The following GABRA2 variants were observed in gnomAD, a reference collection of about 807,000 sequenced individuals.
The protein encoded by GABRA2 is gamma-aminobutyric acid receptor subunit alpha-2.
In GABRA2, 16 loss-of-function variants were observed where a neutral mutation model predicts 48.7. The observed-to-expected ratio is 0.33, with a 90% CI of 0.22 to 0.50. GABRA2 has a LOEUF of 0.50. GABRA2 is among the 20% of genes least tolerant of loss of function. GABRA2 has a pLI of 0.98. For synonymous variants in GABRA2, 185 were observed against 184.5 expected (o/e 1.00, Z -0.02); for missense variants, 275 against 535.6 (o/e 0.51, Z 4.80).
chr4:46,381,578 CA>C, intron 3 of GABRA2, among the ~76,000 whole-genome samples: 1 of 152,260 alleles, frequency 6.6e-6, no homozygotes, highest in African/African-American at 2.4e-5. Context: ...CTATACCTAA[CA>C]ATACTAATTC....
intron 3 of GABRA2, 51 bp downstream of exon 3, chr4:46,386,023 T>G (rs1253250285): frequency 1.8e-6 from 2 of 1,100,762 alleles, no homozygotes. Flanking sequence ...TACCCTTAAC[T>G]TTTAAAGGCA....
chr4:46,291,300 C>A (rs1388219819), intron 8 of GABRA2, among the ~76,000 whole-genome samples: 5 of 152,068 alleles, frequency 3.3e-5, no homozygotes, highest in Non-Finnish European at 4.4e-5. Context: ...ACTTTTTAGT[C>A]AGGATTGTTA....
At chr4:46,372,750 G>A (rs1038041387) in intron 3 of GABRA2, among the ~76,000 whole-genome samples, 2 of 151,982 alleles carry the variant, frequency 1.3e-5, no homozygotes, top group East Asian at 1.9e-4. Context: ...TTAAACTCAC[G>A]GTATAAAAAG....
chr4:46,328,521 T>C (rs1397609662), intron 4 of GABRA2, among the ~76,000 whole-genome samples: 1 of 152,094 alleles, frequency 6.6e-6, no homozygotes, highest in Non-Finnish European at 1.5e-5. Flanking sequence ...TTTATTTTTT[T>C]TCTTATTAAC....
intron 3 of GABRA2, 32 bp downstream of exon 3, chr4:46,386,042 C>G: frequency 7.5e-7 from 1 of 1,328,242 alleles, no homozygotes; most frequent in Non-Finnish European, 1.1e-6. Flanking sequence ...CATTATTTTA[C>G]GAGAGTTTTA....
intron 8 of GABRA2, among the ~76,000 whole-genome samples, chr4:46,302,817 T>C (rs113506498): frequency 3.9e-5 from 6 of 152,354 alleles, no homozygotes; most frequent in African/African-American, 1.4e-4. Context: ...GCACTTCTCC[T>C]GCTTTGCTCA....
intron 8 of GABRA2, among the ~76,000 whole-genome samples, chr4:46,302,145 G>A (rs1390419490): frequency 2.6e-5 from 4 of 151,080 alleles, no homozygotes; most frequent in Non-Finnish European, 4.4e-5. Flanking sequence ...CATAGCTCAC[G>A]ATAGCCTCAA....
At chr4:46,325,053 A>G (rs1212792054) in intron 4 of GABRA2, among the ~76,000 whole-genome samples, 1 of 151,924 alleles carries the variant, frequency 6.6e-6, no homozygotes, top group African/African-American at 2.4e-5. Context: ...TCTTTTTGGT[A>G]GAACAATCTA....
chr4:46,296,714 C>T (rs1485500096), intron 8 of GABRA2, among the ~76,000 whole-genome samples: 2 of 139,086 alleles, frequency 1.4e-5, no homozygotes, highest in Admixed American at 7.5e-5. Flanking sequence ...AAAGGAAATA[C>T]AGGATGGGTA....
chr4:46,274,500 T>A (rs1340351482), intron 8 of GABRA2, among the ~76,000 whole-genome samples: 1 of 152,120 alleles, frequency 6.6e-6, no homozygotes, highest in African/African-American at 2.4e-5. Flanking sequence ...GAGAAGTGGC[T>A]ATACATAGAG....
At chr4:46,330,591 T>TAGAGAGAGAGAGAGAGAGAGAG (rs1553916278) in intron 4 of GABRA2, among the ~76,000 whole-genome samples, 2 of 122,694 alleles carry the variant, frequency 1.6e-5, no homozygotes, top group East Asian at 3.1e-4. Flanking sequence ...TATATATATA[T>TAGAGAGAGAGAGAGAGAGAGAG]AGAGAGAGAG....
chr4:46,330,980 A>G (rs1189092414), intron 4 of GABRA2, among the ~76,000 whole-genome samples: 3 of 152,066 alleles, frequency 2.0e-5, no homozygotes, highest in Non-Finnish European at 4.4e-5. Flanking sequence ...CCAAACAATA[A>G]CATTTGGAAT....
intron 3 of GABRA2, among the ~76,000 whole-genome samples, chr4:46,363,234 A>G (rs879189165): frequency 6.6e-6 from 1 of 152,210 alleles, no homozygotes; most frequent in African/African-American, 2.4e-5. Flanking sequence ...ATAGGCCAGA[A>G]AAGAAATAAA....
intron 9 of GABRA2, among the ~76,000 whole-genome samples, chr4:46,250,988 T>C (rs1468994760): frequency 2.6e-5 from 4 of 151,580 alleles, no homozygotes; most frequent in Non-Finnish European, 5.9e-5. Flanking sequence ...AATGATAATC[T>C]ACAATGAATG....
chr4:46,354,698 T>C (rs1735689071), intron 3 of GABRA2, among the ~76,000 whole-genome samples: 1 of 152,162 alleles, frequency 6.6e-6, no homozygotes, highest in African/African-American at 2.4e-5. Flanking sequence ...GCGGCTTGTT[T>C]GGAATCAGCT....
intron 3 of GABRA2, among the ~76,000 whole-genome samples, chr4:46,373,704 C>T (rs1297496500): frequency 1.3e-5 from 2 of 152,130 alleles, no homozygotes; most frequent in African/African-American, 4.8e-5. Context: ...AGTGACTCTA[C>T]ATTAACTCCC....
At chr4:46,389,713 G>C in intron 1 of GABRA2, 22 bp downstream of exon 1, 1 of 983,110 alleles carries the variant, frequency 1.0e-6, no homozygotes, top group Non-Finnish European at 1.2e-6. Flanking sequence ...GTCTCTATCG[G>C]GACCAACGTG....
At chr4:46,361,289 T>C (rs1335047001) in intron 3 of GABRA2, among the ~76,000 whole-genome samples, 1 of 152,164 alleles carries the variant, frequency 6.6e-6, no homozygotes, top group African/African-American at 2.4e-5. Context: ...CCCTGCTGTG[T>C]GCAGTATAGG....
chr4:46,359,576 T>C (rs1468435063), intron 3 of GABRA2, among the ~76,000 whole-genome samples: 6 of 152,144 alleles, frequency 3.9e-5, no homozygotes, highest in African/African-American at 1.2e-4. Flanking sequence ...CAGTACTCTA[T>C]ATGTTTTTCA....
Sources: allele counts gnomAD v4.1 joint callset (sites outside exome capture counted in the v4.1 genomes callset), GRCh38; gene constraint gnomAD v4.1.1; transcripts MANE v1.5; gene names NCBI Gene and HGNC (gene_info 2026-07-23, HGNC 2026-07-21).